VPS13C: variants seen among roughly 807,000 people sequenced by gnomAD.
VPS13C encodes vacuolar protein sorting 13 homolog C.
Under a neutral mutation model 456.8 loss-of-function variants are expected in VPS13C, and 358 were observed. That is an observed-to-expected ratio of 0.78 (90% CI 0.72 to 0.86). The LOEUF (loss-of-function observed/expected upper bound fraction) is 0.86. Among genes scored for constraint, VPS13C ranks in the 40% least tolerant of loss-of-function variants. The pLI is 0.00. For synonymous variants in VPS13C, 1,578 were observed against 1,486.7 expected, an observed-to-expected ratio of 1.06 and a Z score of -1.41; for missense variants, 4,818 against 4,385.4, an observed-to-expected ratio of 1.10 and a Z score of -2.79.
intron 45 of VPS13C, among the ~76,000 whole-genome samples, chr15:61,942,461 T>G (rs1409731600): frequency 6.6e-6 from 1 of 151,682 alleles, no homozygotes; most frequent in Non-Finnish European, 1.5e-5. Context: ...TCTCCAAAAT[T>G]GGGTTCAATT....
At chr15:61,940,865 AAC>A (rs1201211499) in intron 46 of VPS13C, 71 bp from the exon 47 acceptor site, 1 of 1,450,928 alleles carries the variant, frequency 6.9e-7, no homozygotes, top group Non-Finnish European at 9.2e-7. Context: ...CCTATTGTGT[AAC>A]AGTTTCCACA....
At chr15:61,954,579 T>G (rs2044921622) in intron 37 of VPS13C, 25 bp from the exon 38 acceptor site, 3 of 1,565,644 alleles carry the variant, frequency 1.9e-6, no homozygotes, top group African/African-American at 1.4e-5. Flanking sequence ...AGAAATTCAT[T>G]ACTTTTATTC....
intron 15 of VPS13C, among the ~76,000 whole-genome samples, chr15:62,001,528 T>C (rs556903427): frequency 1.2e-3 from 176 of 152,360 alleles, no homozygotes; most frequent in African/African-American, 3.9e-3. Flanking sequence ...TTTTTTTTAT[T>C]ATTAGTATAC....
At chr15:61,987,837 A>G (rs909605240) in intron 18 of VPS13C, among the ~76,000 whole-genome samples, 1 of 152,220 alleles carries the variant, frequency 6.6e-6, no homozygotes, top group Non-Finnish European at 1.5e-5. Flanking sequence ...TTTTTAGAAA[A>G]GTTATACATA....
chr15:61,994,827 A>T (rs963746188), intron 16 of VPS13C, among the ~76,000 whole-genome samples: 14 of 152,182 alleles, frequency 9.2e-5, no homozygotes, highest in African/African-American at 9.6e-5. Flanking sequence ...TGACCTCGTG[A>T]TCTGCCCATC....
intron 81 of VPS13C, chr15:61,865,759 T>C (rs1309338016): frequency 3.0e-6 from 2 of 663,232 alleles, no homozygotes; most frequent in South Asian, 1.4e-4. Flanking sequence ...TGTGTACATA[T>C]ATGTACGTGT....
At chr15:61,871,308 G>A (rs968531171) in intron 79 of VPS13C, among the ~76,000 whole-genome samples, 4 of 151,990 alleles carry the variant, frequency 2.6e-5, no homozygotes, top group African/African-American at 9.7e-5. Context: ...TTGTTCTTTT[G>A]CTCATAGATA....
chr15:62,047,459 T>C (rs2048453568), intron 1 of VPS13C, among the ~76,000 whole-genome samples: 1 of 151,496 alleles, frequency 6.6e-6, no homozygotes, highest in South Asian at 2.1e-4. Context: ...AAAAAAGCAG[T>C]ATCTATTTCT....
intron 62 of VPS13C, among the ~76,000 whole-genome samples, chr15:61,912,695 G>C (rs1289997509): frequency 1.3e-5 from 2 of 151,244 alleles, no homozygotes; most frequent in African/African-American, 4.9e-5. Flanking sequence ...ACAATGTGCA[G>C]GTTAGTTACA....
At chr15:61,930,271 C>T (rs1181260774) in intron 50 of VPS13C, among the ~76,000 whole-genome samples, 1 of 152,152 alleles carries the variant, frequency 6.6e-6, no homozygotes, top group Non-Finnish European at 1.5e-5. Flanking sequence ...CCTACGTCCT[C>T]CCATGAACTG....
Position 61,946,331 on chromosome 15 carries a change from T to C in VPS13C, c.4956A>G (p.Val1652=). The change falls in exon 44 of 85, where the codon GTA becomes GTG. Residue 1652 remains valine (V), a synonymous_variant. Coordinates refer to ENST00000644861, the MANE Select transcript of VPS13C (RefSeq NM_020821.3). ...CCTTTTTGTGAATGGACTGCAAATC[T>C]ACATTCATAACTATAATATCTTTAA... ...ARLKDIIVMN[V]DLQSIHKKAV... 6.2e-7 allele frequency: 1 copy of C among 1,601,916 alleles called. No homozygotes were observed. Among genetic ancestry groups the C allele is most frequent in the Non-Finnish European group, 8.5e-7 (1 of 1,175,922 alleles).
intron 49 of VPS13C, among the ~76,000 whole-genome samples, chr15:61,931,872 G>T (rs943912507): frequency 6.6e-6 from 1 of 151,884 alleles, no homozygotes; most frequent in African/African-American, 2.4e-5. Context: ...AAGCCACTGC[G>T]CCCCGCCTCT....
chr15:62,034,622 A>G (rs2047923357), intron 4 of VPS13C, among the ~76,000 whole-genome samples: 2 of 151,820 alleles, frequency 1.3e-5, no homozygotes, highest in African/African-American at 2.4e-5. Context: ...ACACATCAGG[A>G]TATTTTTAAA....
In VPS13C at chr15:61,979,398, C is replaced by A. The variant is rs140949729; in HGVS notation, c.2167-649G>T. 5.8e-3 allele frequency among the ~76,000 whole-genome samples: 888 copies of A among 151,994 alleles called. 7 individuals are homozygous for A. Among genetic ancestry groups the A allele is most frequent in the African/African-American group, 0.02 (843 of 41,430 alleles). On this transcript the variant is annotated intron_variant, in intron 22 of 84. Coordinates refer to ENST00000644861, the MANE Select transcript of VPS13C (RefSeq NM_020821.3). Reference sequence around the variant, plus strand: ...ATTAAGGCTTCAGTTTGAAAATGGCCCCCCCATAATAGCAACATGAATTCT... The same window carrying A: ...ATTAAGGCTTCAGTTTGAAAATGGCACCCCCATAATAGCAACATGAATTCT...
chr15:61,949,428 T>G lies in VPS13C; in HGVS notation c.4759+15A>C, dbSNP rs2044711499. 1 of 1,601,424 alleles carries G rather than the reference T, an allele frequency of 6.2e-7. No individual in the cohort carries two copies. The highest frequency in any genetic ancestry group is 1.4e-5 in the African/African-American group (1 of 73,848). Reference sequence around the variant, plus strand: ...AGTTCAAAGTATTATTAGATCATAATTCAAAAATTATTACCAGCTTTGACA... The same window carrying G: ...AGTTCAAAGTATTATTAGATCATAAGTCAAAAATTATTACCAGCTTTGACA... On this transcript the variant is annotated intron_variant, in intron 42 of 84. Coordinates refer to ENST00000644861, the MANE Select transcript of VPS13C (RefSeq NM_020821.3).
At chr15:61,896,089 A>G (rs552314992) in intron 66 of VPS13C, among the ~76,000 whole-genome samples, 1 of 152,356 alleles carries the variant, frequency 6.6e-6, no homozygotes, top group East Asian at 1.9e-4. Context: ...ATTTTTAAAC[A>G]TTATTTTAAA....
intron 61 of VPS13C, 46 bp from the exon 62 acceptor site, chr15:61,913,461 A>G (rs2043363525): frequency 6.6e-7 from 1 of 1,504,320 alleles, no homozygotes; most frequent in Admixed American, 1.8e-5. Flanking sequence ...CTAAAACACT[A>G]TAATAATTTT....
chr15:61,936,780 A>G (rs189327390), intron 47 of VPS13C, 30 bp from the exon 48 acceptor site: 5 of 1,567,192 alleles, frequency 3.2e-6, no homozygotes, highest in East Asian at 4.5e-5. Flanking sequence ...TGTTAACTCT[A>G]AGTAATAAAA....
intron 63 of VPS13C, among the ~76,000 whole-genome samples, chr15:61,911,233 C>T (rs2043293017): frequency 6.6e-6 from 1 of 152,192 alleles, no homozygotes. Flanking sequence ...GCTTCACCTC[C>T]TCTAATCTTA....
Sources: allele counts gnomAD v4.1 joint callset (sites outside exome capture counted in the v4.1 genomes callset), GRCh38; gene constraint gnomAD v4.1.1; transcripts MANE v1.5; gene names NCBI Gene and HGNC (gene_info 2026-07-23, HGNC 2026-07-21).